Variants in MALRD1 observed in about 807,000 individuals in gnomAD.
MALRD1 encodes MAM and LDL-receptor class A domain-containing protein 1.
Under a neutral mutation model 242.1 loss-of-function variants are expected in MALRD1, and 247 were observed. That is an observed-to-expected ratio of 1.02 (90% CI 0.92 to 1.13). MALRD1 has a LOEUF of 1.13. MALRD1 is among the 50% of genes most tolerant of loss of function. The pLI, the probability that MALRD1 is intolerant of heterozygous loss-of-function variation, is 0.00. For synonymous variants in MALRD1, 995 were observed against 866.6 expected, an observed-to-expected ratio of 1.15 and a Z score of -2.60; for missense variants, 2,989 against 2,533.1, an observed-to-expected ratio of 1.18 and a Z score of -3.86.
intron 38 of MALRD1, among the ~76,000 whole-genome samples, chr10:19,719,175 C>G (rs2478749): frequency 3.1e-5 from 1 of 32,206 alleles, no homozygotes; most frequent in Non-Finnish European, 6.1e-5. Flanking sequence ...TATATACATA[C>G]ATATATATAT....
In MALRD1 at chr10:19,429,436, C is replaced by T. The variant is rs189994646; in HGVS notation, c.4846-20871C>T. On this transcript the variant is annotated intron_variant, in intron 28 of 39. Coordinates refer to ENST00000454679, the MANE Select transcript of MALRD1 (RefSeq NM_001142308.3). ...AAAATGAGCCGGGCGTGGTGGTGCA[C>T]ACCTGTGATCCCAGCTACTCAGAAG... is the stretch of plus-strand genomic sequence containing the variant. Among the ~76,000 whole-genome samples the T allele has an allele frequency of 1.8e-3, 274 of 152,198 alleles. 1 individual carries two copies. Among genetic ancestry groups the T allele is most frequent in the Non-Finnish European group, 3.2e-3 (218 of 67,998 alleles).
At chr10:19,326,193 T>C (rs1049507836) in intron 22 of MALRD1, among the ~76,000 whole-genome samples, 2 of 152,126 alleles carry the variant, frequency 1.3e-5, no homozygotes, top group African/African-American at 2.4e-5. Context: ...TTTAAAAATG[T>C]TTTCAGGCAA....
intron 36 of MALRD1, among the ~76,000 whole-genome samples, chr10:19,616,205 T>G (rs1839149703): frequency 6.6e-6 from 1 of 152,058 alleles, no homozygotes; most frequent in Non-Finnish European, 1.5e-5. Flanking sequence ...TTATTATTTC[T>G]ATCAGGTTTT....
chr10:19,339,244 G>T (rs995643947), intron 24 of MALRD1, among the ~76,000 whole-genome samples: 1 of 152,014 alleles, frequency 6.6e-6, no homozygotes, highest in Admixed American at 6.6e-5. Flanking sequence ...ATCAATTAAA[G>T]TTTCTATTTC....
At chr10:19,113,717 T>C (rs1836764150) in intron 5 of MALRD1, among the ~76,000 whole-genome samples, 1 of 151,850 alleles carries the variant, frequency 6.6e-6, no homozygotes, top group South Asian at 2.1e-4. Flanking sequence ...AGCAAAAGTT[T>C]CTTGTGAGTT....
At chr10:19,190,874 A>G (rs1835946115) in intron 14 of MALRD1, among the ~76,000 whole-genome samples, 1 of 152,176 alleles carries the variant, frequency 6.6e-6, no homozygotes, top group African/African-American at 2.4e-5. Context: ...TATAGGACAG[A>G]AACCTTATGA....
chr10:19,251,881 G>C (rs146587837), intron 18 of MALRD1, among the ~76,000 whole-genome samples: 4 of 151,968 alleles, frequency 2.6e-5, no homozygotes, highest in African/African-American at 9.6e-5. Flanking sequence ...CATGAGATCT[G>C]GTTGTTTAAA....
At chr10:19,081,796 T>C (rs1187435256) in intron 2 of MALRD1, among the ~76,000 whole-genome samples, 3 of 151,996 alleles carry the variant, frequency 2.0e-5, no homozygotes, top group African/African-American at 7.2e-5. Flanking sequence ...AAGAAAATCA[T>C]CCTTCTGAAT....
chr10:19,358,735 G>C (rs980422582), intron 26 of MALRD1, among the ~76,000 whole-genome samples: 32 of 152,150 alleles, frequency 2.1e-4, no homozygotes, highest in African/African-American at 7.7e-4. Context: ...AATACAGTCG[G>C]TGTTGTGTGT....
chr10:19,582,146 C>A (rs1837160391), intron 33 of MALRD1, among the ~76,000 whole-genome samples: 2 of 151,936 alleles, frequency 1.3e-5, no homozygotes, highest in South Asian at 4.2e-4. Flanking sequence ...GAGTAGGTTG[C>A]AAAAATTTTC....
At chr10:19,484,744 C>A (rs1207438331) in intron 29 of MALRD1, among the ~76,000 whole-genome samples, 4 of 151,964 alleles carry the variant, frequency 2.6e-5, no homozygotes, top group African/African-American at 4.8e-5. Flanking sequence ...CTAATACAAC[C>A]TCTATGGAAA....
chr10:19,706,942 C>A (rs1227774034), intron 38 of MALRD1, among the ~76,000 whole-genome samples: 2 of 152,116 alleles, frequency 1.3e-5, no homozygotes, highest in East Asian at 3.9e-4. Flanking sequence ...TGTCAGCATA[C>A]CTTTACACTG....
At chr10:19,600,478 C>T (rs1165808377) in intron 34 of MALRD1, among the ~76,000 whole-genome samples, 1 of 152,124 alleles carries the variant, frequency 6.6e-6, no homozygotes, top group African/African-American at 2.4e-5. Flanking sequence ...AATAAGAGTA[C>T]TGGTTGAATT....
intron 36 of MALRD1, 129 bp from the exon 37 acceptor site, chr10:19,692,153 T>C (rs979765702): frequency 1.3e-4 from 90 of 717,568 alleles, no homozygotes; most frequent in Non-Finnish European, 1.6e-4. Context: ...TTTGGTTTTT[T>C]ATCAAAGTTA....
At chr10:19,461,175 A>G (rs1031497936) in intron 29 of MALRD1, among the ~76,000 whole-genome samples, 4 of 152,152 alleles carry the variant, frequency 2.6e-5, no homozygotes, top group Non-Finnish European at 5.9e-5. Flanking sequence ...CATATACACA[A>G]TCTCATTTAA....
rs944362801 is a variant in MALRD1, at chr10:19,526,257, G to A, written c.5321-4937G>A. Reference sequence around the variant, plus strand: ...TTCTGAAAGTATAATTCAATGTAAGGTGTTATAACATTGAGATACAGTACA... The same window carrying A: ...TTCTGAAAGTATAATTCAATGTAAGATGTTATAACATTGAGATACAGTACA... On this transcript the variant is annotated intron_variant, in intron 31 of 39. Transcript: ENST00000454679. Among the ~76,000 whole-genome samples the A allele has an allele frequency of 2.6e-5, 4 of 151,718 alleles. No homozygotes were observed. The East Asian group carries it at 7.8e-4, about 29-fold the overall frequency.
intron 10 of MALRD1, among the ~76,000 whole-genome samples, chr10:19,137,605 C>G (rs1833391703): frequency 9.3e-6 from 1 of 106,966 alleles, no homozygotes; most frequent in African/African-American, 3.4e-5. Context: ...GAGACTCCGT[C>G]TGAAAAAAAA....
At chr10:19,152,203 T>C (rs1833966963) in intron 11 of MALRD1, among the ~76,000 whole-genome samples, 2 of 152,170 alleles carry the variant, frequency 1.3e-5, no homozygotes, top group African/African-American at 4.8e-5. Context: ...GGAATAAAAC[T>C]GGTAAATTCC....
chr10:19,380,584 A>G (rs1383446432), intron 26 of MALRD1, among the ~76,000 whole-genome samples: 1 of 151,906 alleles, frequency 6.6e-6, no homozygotes, highest in Non-Finnish European at 1.5e-5. Flanking sequence ...TTCCTCTTAC[A>G]TTTTTATATA....
Sources: gnomAD v4.1 joint callset for allele counts (sites outside exome capture counted in the v4.1 genomes callset) on GRCh38, gnomAD v4.1.1 for gene constraint, MANE v1.5 for transcripts, NCBI Gene and HGNC (gene_info 2026-07-23, HGNC 2026-07-21) for gene names.